Variants in FAM13A observed in about 807,000 individuals in gnomAD.
The protein encoded by FAM13A is family with sequence similarity 13 member A, also known as protein FAM13A.
In FAM13A, 76 loss-of-function variants were observed where a neutral mutation model predicts 129.6. That is an observed-to-expected ratio of 0.59 (90% CI 0.49 to 0.71). The LOEUF is 0.71. Among genes scored for constraint, FAM13A ranks in the 30% least tolerant of loss-of-function variants. The pLI is 0.00. For missense variants in FAM13A, 1,108 were observed against 1,249.3 expected (o/e 0.89, Z 1.70); for synonymous variants, 443 against 449.9 (o/e 0.98, Z 0.20).
At position 88,770,191 on chromosome 4, in the gene FAM13A, TGTGA is replaced by T. The variant is rs1720361899; in HGVS notation, c.1459-2136_1459-2133del. 2.6e-5 allele frequency among the ~76,000 whole-genome samples: 4 copies of T among 152,178 alleles called. No homozygotes were observed. The South Asian group carries it at 8.3e-4, about 32-fold the overall frequency. On this transcript the variant is annotated intron_variant, in intron 11 of 23. Transcript: ENST00000264344. ...TTCAATTATATTCATACCTCTAAAG[TGTGA>T]GTTAGAAGAGGCCTTTATAAAATGG...
chr4:88,889,317 T>C (rs1233845863), intron 6 of FAM13A, among the ~76,000 whole-genome samples: 1 of 152,074 alleles, frequency 6.6e-6, no homozygotes, highest in Non-Finnish European at 1.5e-5. Flanking sequence ...GGACAGGCAA[T>C]TCGTCTTTTT....
Position 88,921,120 on chromosome 4 carries a change from C to A in FAM13A, c.760-14658G>T, listed in dbSNP as rs528168525. Among the ~76,000 whole-genome samples, 55 of 152,172 alleles carry A rather than the reference C, an allele frequency of 3.6e-4. No individual in the cohort carries two copies. The South Asian group carries it at 9.6e-3, about 26-fold the overall frequency. On this transcript the variant is annotated intron_variant, in intron 5 of 23. Coordinates refer to ENST00000264344, the MANE Select transcript of FAM13A (RefSeq NM_014883.4). ...GGGGAGAATGGAACCAAGTTGGAAA[C>A]CACTCTGCAGGATATTATCCAGGAG... is the stretch of plus-strand genomic sequence containing the variant.
At chr4:88,770,771 A>C (rs1578575490) in intron 11 of FAM13A, among the ~76,000 whole-genome samples, 1 of 152,132 alleles carries the variant, frequency 6.6e-6, no homozygotes, top group Admixed American at 6.5e-5. Context: ...CACAATAGAA[A>C]GCTTTGCAAA....
At chr4:88,919,853 C>A (rs1036282096) in intron 5 of FAM13A, among the ~76,000 whole-genome samples, 1 of 152,230 alleles carries the variant, frequency 6.6e-6, no homozygotes, top group Non-Finnish European at 1.5e-5. Context: ...CCTAATACTG[C>A]GCTTTTCCGA....
chr4:89,024,922 A>G (rs2149118490), intron 2 of FAM13A, among the ~76,000 whole-genome samples: 1 of 152,330 alleles, frequency 6.6e-6, no homozygotes, highest in South Asian at 2.1e-4. Flanking sequence ...AGATTCCACT[A>G]GTGATTCTAT....
At chr4:89,044,696 T>C (rs1002194889) in intron 1 of FAM13A, among the ~76,000 whole-genome samples, 1 of 151,872 alleles carries the variant, frequency 6.6e-6, no homozygotes, top group African/African-American at 2.4e-5. Context: ...GATGAAAGGA[T>C]AAATACAAGG....
chr4:88,797,715 AG>A (rs1200163226), intron 8 of FAM13A, among the ~76,000 whole-genome samples: 1 of 152,076 alleles, frequency 6.6e-6, no homozygotes, highest in East Asian at 1.9e-4. Flanking sequence ...AAACATTTCT[AG>A]GGTTGTTTTT....
chr4:89,034,508 A>T (rs1280495715), intron 1 of FAM13A, among the ~76,000 whole-genome samples: 1 of 152,248 alleles, frequency 6.6e-6, no homozygotes, highest in Non-Finnish European at 1.5e-5. Flanking sequence ...TGTGAAAAGC[A>T]GTTTAGAGAT....
At chr4:88,876,152 G>C (rs899551739) in intron 6 of FAM13A, among the ~76,000 whole-genome samples, 1 of 152,154 alleles carries the variant, frequency 6.6e-6, no homozygotes, top group African/African-American at 2.4e-5. Context: ...GGGATGGGGG[G>C]CTGGGGGAGG....
At chr4:88,810,636 G>C (rs1729490466) in intron 7 of FAM13A, among the ~76,000 whole-genome samples, 1 of 152,146 alleles carries the variant, frequency 6.6e-6, no homozygotes, top group Non-Finnish European at 1.5e-5. Context: ...GTTATGCTCT[G>C]AAAGTTCATT....
At chr4:88,961,311 T>TACATAAAA (rs1194199200) in intron 4 of FAM13A, among the ~76,000 whole-genome samples, 1 of 140,670 alleles carries the variant, frequency 7.1e-6, no homozygotes, top group Non-Finnish European at 1.5e-5. Flanking sequence ...AGAAAAGAGA[T>TACATAAAA]ACATAAAAAC....
At chr4:88,856,971 T>G (rs1738627287) in intron 6 of FAM13A, among the ~76,000 whole-genome samples, 2 of 152,196 alleles carry the variant, frequency 1.3e-5, no homozygotes, top group African/African-American at 4.8e-5. Context: ...TTAAAAAAAG[T>G]TTCATTTAGC....
intron 7 of FAM13A, among the ~76,000 whole-genome samples, chr4:88,818,388 G>T (rs946649927): frequency 2.0e-5 from 3 of 152,050 alleles, no homozygotes; most frequent in Admixed American, 6.6e-5. Flanking sequence ...AAAATGACCT[G>T]CTCAAATTCA....
intron 1 of FAM13A, among the ~76,000 whole-genome samples, chr4:89,045,337 T>C (rs573020180): frequency 5.1e-4 from 77 of 152,226 alleles, no homozygotes; most frequent in Middle Eastern, 3.4e-3. Context: ...GGAAAGTAGA[T>C]ATAATGAAAC....
At chr4:88,853,719 G>A (rs567689818) in intron 6 of FAM13A, among the ~76,000 whole-genome samples, 1 of 152,310 alleles carries the variant, frequency 6.6e-6, no homozygotes, top group Non-Finnish European at 1.5e-5. Flanking sequence ...GTGTCTGTGA[G>A]TCAGTGGACT....
intron 21 of FAM13A, among the ~76,000 whole-genome samples, chr4:88,734,208 C>T (rs1408305623): frequency 6.6e-6 from 1 of 152,062 alleles, no homozygotes; most frequent in Admixed American, 6.5e-5. Flanking sequence ...ATTTGGATTT[C>T]AATAAACAAC....
intron 4 of FAM13A, among the ~76,000 whole-genome samples, chr4:88,944,836 GA>G (rs1476181725): frequency 1.3e-5 from 2 of 151,736 alleles, no homozygotes; most frequent in African/African-American, 4.8e-5. Flanking sequence ...CCAGAAGGCA[GA>G]GGTTGCAGTG....
At chr4:88,823,741 C>G (rs1044411434) in intron 7 of FAM13A, among the ~76,000 whole-genome samples, 1 of 152,198 alleles carries the variant, frequency 6.6e-6, no homozygotes, top group Non-Finnish European at 1.5e-5. Flanking sequence ...TTGCCCTACC[C>G]ACATGTATTT....
chr4:88,947,589 T>C (rs1249241307), intron 4 of FAM13A, among the ~76,000 whole-genome samples: 1 of 152,172 alleles, frequency 6.6e-6, no homozygotes, highest in Admixed American at 6.5e-5. Context: ...CTTTAACCTA[T>C]ATTTTTGGCT....
Sources: gnomAD v4.1 joint callset for allele counts (sites outside exome capture counted in the v4.1 genomes callset) on GRCh38, gnomAD v4.1.1 for gene constraint, MANE v1.5 for transcripts, NCBI Gene and HGNC (gene_info 2026-07-23, HGNC 2026-07-21) for gene names.